The following CSMD2 variants were observed in gnomAD, a reference collection of about 807,000 sequenced individuals.
CSMD2 encodes CUB and Sushi multiple domains 2, also known as CUB and sushi domain-containing protein 2.
A neutral mutation model predicts 398.5 loss-of-function variants in CSMD2; 130 were observed. The ratio of observed to expected loss-of-function variants is 0.33; its 90% CI spans 0.28 to 0.38. CSMD2 has a LOEUF of 0.38. Ranked by LOEUF, CSMD2 falls within the 10% of genes least tolerant of loss-of-function variation. CSMD2 has a pLI of 1.00. For missense variants in CSMD2, 3,829 were observed against 4,764.9 expected (o/e 0.80, Z 5.78); for synonymous variants, 1,828 against 1,908.5 (o/e 0.96, Z 1.10).
intron 14 of CSMD2, among the ~76,000 whole-genome samples, chr1:33,742,134 A>G (rs920901735): frequency 6.6e-6 from 1 of 152,226 alleles, no homozygotes; most frequent in Admixed American, 6.5e-5. Context: ...ACAGCAGATG[A>G]AACAGGAATC....
chr1:34,005,744 C>A (rs1001796526), intron 3 of CSMD2, among the ~76,000 whole-genome samples: 4 of 152,190 alleles, frequency 2.6e-5, no homozygotes, highest in African/African-American at 9.7e-5. Flanking sequence ...CACTGCTGAG[C>A]TCAAGAGTCT....
intron 7 of CSMD2, among the ~76,000 whole-genome samples, chr1:33,823,542 C>T (rs962039053): frequency 2.6e-5 from 4 of 152,082 alleles, no homozygotes; most frequent in Non-Finnish European, 4.4e-5. Context: ...AGGGAGAAGC[C>T]GCAATGTGCT....
rs375531212 is a variant in CSMD2, at chr1:34,129,279, CGT to C, written c.187+35630_187+35631del. On this transcript the variant is annotated intron_variant, in intron 1 of 70. Transcript: ENST00000373381. ...TGTGAACACATGTTGTGTGTAGAAG[CGT>C]GTGTGTGTGCACATGTGCTTACATG... is the stretch of plus-strand genomic sequence containing the variant. Among the ~76,000 whole-genome samples the C allele has an allele frequency of 1.7e-3, 262 of 151,986 alleles. 1 individual carries two copies. Among genetic ancestry groups the C allele is most frequent in the African/African-American group, 6.0e-3 (250 of 41,424 alleles).
At chr1:33,763,461 G>C (rs1158868095) in intron 13 of CSMD2, among the ~76,000 whole-genome samples, 1 of 152,206 alleles carries the variant, frequency 6.6e-6, no homozygotes, top group African/African-American at 2.4e-5. Context: ...CTAATGGTTA[G>C]CTGGGTTTGG....
chr1:33,795,272 G>T (rs557340252), intron 10 of CSMD2, among the ~76,000 whole-genome samples: 13 of 152,170 alleles, frequency 8.5e-5, no homozygotes, highest in African/African-American at 2.9e-4. Context: ...TGTCAATAGT[G>T]AGTGGGGATT....
chr1:33,850,992 G>A (rs527725695), intron 5 of CSMD2, among the ~76,000 whole-genome samples: 2 of 152,164 alleles, frequency 1.3e-5, no homozygotes, highest in Non-Finnish European at 2.9e-5. Flanking sequence ...ATGTTGGGGA[G>A]CTGAGAGATA....
intron 5 of CSMD2, among the ~76,000 whole-genome samples, chr1:33,905,098 C>A (rs1412726244): frequency 2.0e-5 from 3 of 152,102 alleles, no homozygotes; most frequent in African/African-American, 7.2e-5. Context: ...TGCCACTGTG[C>A]CCAGCGATAT....
chr1:34,132,987 A>G (rs946385153), intron 1 of CSMD2, among the ~76,000 whole-genome samples: 5 of 128,004 alleles, frequency 3.9e-5, no homozygotes, highest in Admixed American at 1.6e-4. Context: ...TTTTGGTTCT[A>G]TTTCTCTGGT....
intron 5 of CSMD2, among the ~76,000 whole-genome samples, chr1:33,894,948 T>C (rs1642280714): frequency 6.6e-6 from 1 of 152,182 alleles, no homozygotes; most frequent in Non-Finnish European, 1.5e-5. Flanking sequence ...CAGGTACTTC[T>C]GTGGAGAAGA....
At chr1:33,754,196 A>G (rs1052685997) in intron 13 of CSMD2, among the ~76,000 whole-genome samples, 6 of 152,192 alleles carry the variant, frequency 3.9e-5, no homozygotes, top group African/African-American at 1.2e-4. Context: ...AATGTTGGAC[A>G]TGGGGCCTGG....
rs751957385 is a variant in CSMD2 at position 33,743,449 on chromosome 1, C to T, written c.2004G>A (p.Gln668=). 6.2e-7 allele frequency: 1 copy of T among 1,614,210 alleles called. No homozygotes were observed. Among genetic ancestry groups the T allele is most frequent in the Non-Finnish European group, 8.5e-7 (1 of 1,180,048 alleles). ...LAFNDIDVEP[Q]FDFLVIKDGA... ...CATCCTTGATGACCAGGAAATCAAA[C>T]TGAGGCTCCACGTCAATGTCGTTGA... Residue 668 remains glutamine (Q), a synonymous_variant, in exon 14 of 71, where the codon CAG becomes CAA. Transcript: ENST00000373381.
chr1:33,920,050 G>A (rs1203442307), intron 4 of CSMD2, among the ~76,000 whole-genome samples: 1 of 152,156 alleles, frequency 6.6e-6, no homozygotes, highest in Non-Finnish European at 1.5e-5. Flanking sequence ...TTGGGAGTGG[G>A]GGTGTGGATA....
chr1:33,740,467 A>G (rs1391598249), intron 14 of CSMD2, among the ~76,000 whole-genome samples: 6 of 152,210 alleles, frequency 3.9e-5, no homozygotes, highest in Non-Finnish European at 8.8e-5. Context: ...CAGAAACAGC[A>G]GTGGCCCTAG....
In CSMD2 at chr1:33,518,334, C is replaced by A. The variant is rs1028344871; in HGVS notation, c.*53+1131G>T. Among the ~76,000 whole-genome samples the A allele has an allele frequency of 6.6e-6, 1 of 152,166 alleles. No homozygotes were observed. Among genetic ancestry groups the A allele is most frequent in the African/African-American group, 2.4e-5 (1 of 41,432 alleles). ...AGGAAGAGGCAGTGCCTTTTAGATTCATCAGTTCCTTCCCAGTGGGCCTGT... is the reference window on the plus strand; with the variant it reads ...AGGAAGAGGCAGTGCCTTTTAGATTAATCAGTTCCTTCCCAGTGGGCCTGT... On this transcript the variant is annotated intron_variant, in intron 70 of 70. Transcript: ENST00000373381. This position sits in a 1 kb window ranked among gnomAD's most constrained non-coding sequence, Gnocchi z 4.3.
intron 2 of CSMD2, among the ~76,000 whole-genome samples, chr1:34,043,924 G>C (rs1652174183): frequency 6.6e-6 from 1 of 152,194 alleles, no homozygotes. Flanking sequence ...TTTCATATGT[G>C]TTGTCACAAT....
At chr1:33,784,989 G>A (rs1472803795) in intron 12 of CSMD2, among the ~76,000 whole-genome samples, 7 of 152,140 alleles carry the variant, frequency 4.6e-5, no homozygotes, top group Admixed American at 3.3e-4. Flanking sequence ...CTATTTTCTA[G>A]AATCCACTGC....
At chr1:33,942,886 C>A (rs1644722672) in intron 3 of CSMD2, among the ~76,000 whole-genome samples, 1 of 152,258 alleles carries the variant, frequency 6.6e-6, no homozygotes, top group African/African-American at 2.4e-5. Context: ...ATAAACCACA[C>A]TAGCCCTATA....
intron 12 of CSMD2, among the ~76,000 whole-genome samples, chr1:33,783,538 A>G (rs1653101970): frequency 6.6e-6 from 1 of 151,560 alleles, no homozygotes; most frequent in Non-Finnish European, 1.5e-5. Context: ...GCTGTCTACA[A>G]GCCACGAAGA....
intron 2 of CSMD2, among the ~76,000 whole-genome samples, chr1:34,083,402 T>A (rs924481285): frequency 6.6e-6 from 1 of 152,242 alleles, no homozygotes; most frequent in African/African-American, 2.4e-5. Context: ...AAATTAATTA[T>A]GAGTGGAACA....
Sources: allele counts gnomAD v4.1 joint callset (sites outside exome capture counted in the v4.1 genomes callset), GRCh38; gene constraint gnomAD v4.1.1; non-coding constraint Gnocchi (gnomAD v3.1); transcripts MANE v1.5; gene names NCBI Gene and HGNC (gene_info 2026-07-23, HGNC 2026-07-21).